Variants in TOM1L2 observed in about 807,000 individuals in gnomAD.
The protein encoded by TOM1L2 is target of myb1 like 2 membrane trafficking protein.
In TOM1L2, 31 loss-of-function variants were observed where a neutral mutation model predicts 67.9. The ratio of observed to expected loss-of-function variants is 0.46; its 90% CI spans 0.34 to 0.62. The LOEUF (loss-of-function observed/expected upper bound fraction) is 0.62. Among genes scored for constraint, TOM1L2 ranks in the 20% least tolerant of loss-of-function variants. The probability of loss-of-function intolerance (pLI) is 0.01; values close to 1 mark genes in which losing one functional copy is unlikely to be tolerated. For missense variants in TOM1L2, 606 were observed against 663.5 expected (o/e 0.91, Z 0.95); for synonymous variants, 256 against 254.0 (o/e 1.01, Z -0.07).
At chr17:17,917,345 T>G (rs951235625) in intron 1 of TOM1L2, among the ~76,000 whole-genome samples, 25 of 146,318 alleles carry the variant, frequency 1.7e-4, no homozygotes, top group African/African-American at 6.3e-4. Context: ...AAAAAATAAA[T>G]AAAAATAAAT....
At chr17:17,917,919 C>T (rs2039697438) in intron 1 of TOM1L2, among the ~76,000 whole-genome samples, 1 of 152,108 alleles carries the variant, frequency 6.6e-6, no homozygotes, top group African/African-American at 2.4e-5. Context: ...TGAGCCACTG[C>T]ACTCCAACCT....
At chr17:17,962,470 G>T (rs1349358314) in intron 1 of TOM1L2, among the ~76,000 whole-genome samples, 1 of 151,900 alleles carries the variant, frequency 6.6e-6, no homozygotes, top group African/African-American at 2.4e-5. Context: ...ACACTGCCAT[G>T]CCCGGCTAAT....
chr17:17,922,311 G>A (rs1438189324), intron 1 of TOM1L2, among the ~76,000 whole-genome samples: 1 of 152,218 alleles, frequency 6.6e-6, no homozygotes. Flanking sequence ...CCTCGGTGAA[G>A]GGGAGCGGTG....
intron 8 of TOM1L2, 63 bp downstream of exon 8, chr17:17,869,277 T>C: frequency 6.3e-7 from 1 of 1,587,528 alleles, no homozygotes. Context: ...ATGAAAGAAA[T>C]CCCTCTGTTA....
chr17:17,884,550 G>GGCAGCAGCAGAAGGGTGGCT lies in TOM1L2; in HGVS notation c.501+64_501+83dup, dbSNP rs1217307287. On this transcript the variant is annotated intron_variant, in intron 5 of 14. Coordinates refer to ENST00000379504, the MANE Select transcript of TOM1L2 (RefSeq NM_001082968.2). ...ATGATGACAAGCTGAATAATTCAAA[G>GGCAGCAGCAGAAGGGTGGCT]GCAGCAGCAGAAGGGTGGCTGCAGC... The GGCAGCAGCAGAAGGGTGGCT allele has an allele frequency of 3.2e-6, 5 of 1,562,574 alleles. No homozygotes were observed. The African/African-American group carries it at 5.4e-5, about 17-fold the overall frequency.
intron 1 of TOM1L2, among the ~76,000 whole-genome samples, chr17:17,937,551 GA>G (rs1490278584): frequency 1.3e-5 from 2 of 152,176 alleles, no homozygotes; most frequent in Non-Finnish European, 2.9e-5. Context: ...ACCAGTGGGG[GA>G]GGGCCTTTCC....
chr17:17,898,544 G>A, intron 3 of TOM1L2, 52 bp downstream of exon 3: 1 of 1,596,960 alleles, frequency 6.3e-7, no homozygotes, highest in South Asian at 1.1e-5. Context: ...GGCAAGGCCA[G>A]GAGCAAGGAG....
In TOM1L2 at chr17:17,845,315, C is replaced by G. The variant is rs1396073758; in HGVS notation, c.*2320G>C. The stretch of plus-strand genomic sequence containing the variant: ...CACTCCCTGCTGCCCCTGGGGCAGC[C>G]AGGCCTCTCCAATGATGCCTGGCAA... On this transcript the variant is annotated 3_prime_UTR_variant, in exon 15 of 15. Transcript: ENST00000379504. 1 of 152,262 alleles carries G rather than the reference C, an allele frequency of 6.6e-6. No homozygotes were observed. The highest frequency in any genetic ancestry group is 1.5e-5 in the Non-Finnish European group (1 of 68,046). 9.4% of individuals were successfully genotyped at this position (152,262 alleles called of 1,614,324 possible). A position where few individuals can be genotyped will look rare whatever the true frequency, so the allele number is the denominator to read the frequency against.
chr17:17,866,382 A>AG lies in TOM1L2; in HGVS notation c.997dup (p.Leu333ProfsTer47), dbSNP rs1480633728. The stretch of plus-strand genomic sequence containing the variant: ...CACCACGGCTGGAGACCCTGGCCCC[A>AG]GGTCTATTAAGTTGTCTTCGGTTAC... On this transcript the variant is annotated frameshift_variant, in exon 10 of 15. Coordinates refer to ENST00000379504, the MANE Select transcript of TOM1L2 (RefSeq NM_001082968.2). LOFTEE classifies it high-confidence loss of function. 1 of 1,606,502 alleles carries AG rather than the reference A, an allele frequency of 6.2e-7. No homozygotes were observed. The highest frequency in any genetic ancestry group is 1.7e-5 in the Admixed American group (1 of 59,100).
At chr17:17,925,190 A>C (rs1285920751) in intron 1 of TOM1L2, among the ~76,000 whole-genome samples, 1 of 152,214 alleles carries the variant, frequency 6.6e-6, no homozygotes, top group African/African-American at 2.4e-5. Context: ...CCTCTTTTAT[A>C]AATTACCTAG....
At chr17:17,861,362 TG>T (rs1344971767) in intron 12 of TOM1L2, 113 bp downstream of exon 12, 1 of 964,948 alleles carries the variant, frequency 1.0e-6, no homozygotes, top group Non-Finnish European at 1.6e-6. Context: ...TCCCCCAGGG[TG>T]TCCCTGCCCC....
intron 6 of TOM1L2, among the ~76,000 whole-genome samples, chr17:17,880,708 G>A (rs1007933081): frequency 6.6e-6 from 1 of 152,200 alleles, no homozygotes; most frequent in Non-Finnish European, 1.5e-5. Context: ...GCCTCTCTGA[G>A]CCTTCGTTTC....
chr17:17,850,925 C>T lies in TOM1L2; in HGVS notation c.1306G>A (p.Asp436Asn). Reference sequence around the variant, plus strand: ...GTCCTGAGCCACACCTCAATGTCGTCCATGACAGATGGCTGCGCAACGGGG... The same window carrying T: ...GTCCTGAGCCACACCTCAATGTCGTTCATGACAGATGGCTGCGCAACGGGG... ...GIPVAQPSVM[D>N]DIEVWLRTDL... The change falls in exon 13 of 15, where the codon GAC becomes AAC. Residue 436 changes from aspartate to asparagine, a missense_variant. Coordinates refer to ENST00000379504, the MANE Select transcript of TOM1L2 (RefSeq NM_001082968.2). The T allele has an allele frequency of 6.2e-7, 1 of 1,614,072 alleles. No homozygotes were observed. Among genetic ancestry groups the T allele is most frequent in the Non-Finnish European group, 8.5e-7 (1 of 1,180,030 alleles).
intron 8 of TOM1L2, 50 bp downstream of exon 8, chr17:17,869,290 G>A: frequency 6.3e-7 from 1 of 1,594,908 alleles, no homozygotes; most frequent in Non-Finnish European, 8.5e-7. Flanking sequence ...CTCTGTTATG[G>A]CAACAATCTT....
chr17:17,971,648 G>A (rs1435913270), intron 1 of TOM1L2, among the ~76,000 whole-genome samples: 1 of 151,528 alleles, frequency 6.6e-6, no homozygotes, highest in East Asian at 1.9e-4. Context: ...GGAGAACTGG[G>A]TCCTTGGGGC....
In TOM1L2 at chr17:17,972,337, C is replaced by T. The variant is rs768356880; in HGVS notation, c.-24G>A. On this transcript the variant is annotated 5_prime_UTR_variant, in exon 1 of 15. Transcript: ENST00000379504. ...ATCTTGGGTGGACAACACGCAGCGGCCCGGGCCCCCTGTCTGCCACCTAGG... is the reference window on the plus strand; with the variant it reads ...ATCTTGGGTGGACAACACGCAGCGGTCCGGGCCCCCTGTCTGCCACCTAGG... The T allele has an allele frequency of 2.6e-5, 41 of 1,549,276 alleles. No individual in the cohort carries two copies. Among genetic ancestry groups the T allele is most frequent in the Non-Finnish European group, 1.7e-6 (2 of 1,147,102 alleles).
At chr17:17,916,138 ATC>A (rs202027819) in intron 1 of TOM1L2, among the ~76,000 whole-genome samples, 3,757 of 147,494 alleles carry the variant, frequency 0.025, 64 homozygotes, top group Non-Finnish European at 0.034. Flanking sequence ...CAGTGGCGCG[ATC>A]TCAGCTCACT....
At chr17:17,949,351 A>T (rs931190155) in intron 1 of TOM1L2, among the ~76,000 whole-genome samples, 8 of 152,194 alleles carry the variant, frequency 5.3e-5, no homozygotes, top group African/African-American at 1.7e-4. Context: ...ACAATGCCAC[A>T]TCACAAGGCT....
chr17:17,940,715 G>A (rs1318176911), intron 1 of TOM1L2, among the ~76,000 whole-genome samples: 4 of 152,208 alleles, frequency 2.6e-5, no homozygotes, highest in Non-Finnish European at 5.9e-5. Flanking sequence ...GCTGTCATTG[G>A]GGTGACCTCG....
Sources: allele counts gnomAD v4.1 joint callset (sites outside exome capture counted in the v4.1 genomes callset), GRCh38; gene constraint gnomAD v4.1.1; transcripts MANE v1.5; gene names NCBI Gene and HGNC (gene_info 2026-07-23, HGNC 2026-07-21).